Variants in KIF16B observed in about 807,000 individuals in gnomAD.
KIF16B encodes kinesin-like protein KIF16B.
Under a neutral mutation model 156.3 loss-of-function variants are expected in KIF16B, and 98 were observed. The ratio of observed to expected loss-of-function variants is 0.63; its 90% CI spans 0.53 to 0.74. KIF16B has a LOEUF of 0.74. Ranked by LOEUF, KIF16B falls within the 30% of genes least tolerant of loss-of-function variation. KIF16B has a pLI of 0.00. For synonymous variants in KIF16B, 564 were observed against 583.7 expected (o/e 0.97, Z 0.49); for missense variants, 1,421 against 1,606.5 (o/e 0.88, Z 1.97).
intron 15 of KIF16B, among the ~76,000 whole-genome samples, chr20:16,416,341 G>C (rs973544865): frequency 6.6e-6 from 1 of 152,026 alleles, no homozygotes; most frequent in Non-Finnish European, 1.5e-5. Flanking sequence ...TTTATAGTTT[G>C]GGTTTTACAT....
chr20:16,438,233 C>T (rs1264531187), intron 12 of KIF16B, among the ~76,000 whole-genome samples: 1 of 152,188 alleles, frequency 6.6e-6, no homozygotes, highest in Admixed American at 6.5e-5. Flanking sequence ...CATCCAGAAG[C>T]TACTGTTTCT....
chr20:16,469,171 G>A (rs1475384702), intron 12 of KIF16B, among the ~76,000 whole-genome samples: 3 of 149,968 alleles, frequency 2.0e-5, no homozygotes, highest in Non-Finnish European at 3.0e-5. Context: ...AGGACTGCTT[G>A]AGCCCAGGAG....
At chr20:16,402,627 C>A (rs945670527) in intron 17 of KIF16B, among the ~76,000 whole-genome samples, 1 of 152,136 alleles carries the variant, frequency 6.6e-6, no homozygotes, top group Non-Finnish European at 1.5e-5. Context: ...ATCCCAGGCT[C>A]TGGAACTAGC....
Position 16,467,271 on chromosome 20 carries a change from A to G in KIF16B, c.1302+27020T>C, listed in dbSNP as rs151043685. Among the ~76,000 whole-genome samples, 166 of 152,278 alleles carry G rather than the reference A, an allele frequency of 1.1e-3. 1 individual carries two copies. Among genetic ancestry groups the G allele is most frequent in the African/African-American group, 3.9e-3 (161 of 41,562 alleles). The stretch of plus-strand genomic sequence containing the variant: ...AAGCTCACCAAAAGACTGAGACCTA[A>G]TCATAGGACTATAGAACACTTCCTG... On this transcript the variant is annotated intron_variant, in intron 12 of 25. Coordinates refer to ENST00000354981, the MANE Select transcript of KIF16B (RefSeq NM_024704.5).
At chr20:16,304,312 C>T (rs1050205313) in intron 25 of KIF16B, among the ~76,000 whole-genome samples, 1 of 152,196 alleles carries the variant, frequency 6.6e-6, no homozygotes, top group Non-Finnish European at 1.5e-5. Flanking sequence ...TCATAAAGCA[C>T]TAACACATAT....
intron 22 of KIF16B, among the ~76,000 whole-genome samples, chr20:16,369,509 T>C (rs1305533183): frequency 6.6e-6 from 1 of 152,204 alleles, no homozygotes; most frequent in Non-Finnish European, 1.5e-5. Flanking sequence ...AGAAATACTT[T>C]GTATGGGGTT....
chr20:16,406,508 T>A (rs750212785), intron 15 of KIF16B, 52 bp from the exon 16 acceptor site: 1 of 1,410,926 alleles, frequency 7.1e-7, no homozygotes. Context: ...TCTGGTCAGT[T>A]GCCAATACCA....
chr20:16,434,803 A>G (rs750866480), intron 12 of KIF16B, among the ~76,000 whole-genome samples: 1 of 152,128 alleles, frequency 6.6e-6, no homozygotes, highest in Non-Finnish European at 1.5e-5. Context: ...AGAGAATTAT[A>G]TATTTCACTA....
chr20:16,455,585 G>C (rs1044372023), intron 12 of KIF16B, among the ~76,000 whole-genome samples: 4 of 152,050 alleles, frequency 2.6e-5, no homozygotes, highest in African/African-American at 4.8e-5. Context: ...CCAATAAATA[G>C]TTCATGGGCA....
chr20:16,423,406 A>G (rs1319663855), intron 15 of KIF16B, among the ~76,000 whole-genome samples: 1 of 152,194 alleles, frequency 6.6e-6, no homozygotes, highest in East Asian at 1.9e-4. Flanking sequence ...CAAGAGTGAC[A>G]CAATAACTAA....
intron 12 of KIF16B, among the ~76,000 whole-genome samples, chr20:16,451,505 A>T (rs1190227403): frequency 1.3e-5 from 2 of 151,188 alleles, no homozygotes; most frequent in Non-Finnish European, 2.9e-5. Context: ...TGCCATTTGC[A>T]TTAAGTTGAA....
intron 4 of KIF16B, among the ~76,000 whole-genome samples, chr20:16,514,760 G>A (rs982457358): frequency 3.3e-5 from 5 of 150,916 alleles, no homozygotes; most frequent in African/African-American, 4.9e-5. Context: ...GCGTGGTGGT[G>A]CACACCTGTA....
intron 10 of KIF16B, among the ~76,000 whole-genome samples, chr20:16,498,601 CTTTT>C: frequency 6.6e-6 from 1 of 152,124 alleles, no homozygotes; most frequent in East Asian, 1.9e-4. Flanking sequence ...CTGCTTCACT[CTTTT>C]TAACAATTCC....
chr20:16,323,984 G>C (rs1468656424), intron 24 of KIF16B, among the ~76,000 whole-genome samples: 1 of 151,828 alleles, frequency 6.6e-6, no homozygotes, highest in African/African-American at 2.4e-5. Flanking sequence ...TTTCATTCAG[G>C]CATGACCCAG....
At chr20:16,367,016 A>G (rs948193825) in intron 22 of KIF16B, 1 of 1,330,020 alleles carries the variant, frequency 7.5e-7, no homozygotes, top group Non-Finnish European at 9.6e-7. Context: ...TCAATTTTAG[A>G]GGTCTGCATT....
At chr20:16,558,602 C>G (rs1211358792) in intron 1 of KIF16B, among the ~76,000 whole-genome samples, 1 of 152,168 alleles carries the variant, frequency 6.6e-6, no homozygotes, top group African/African-American at 2.4e-5. Context: ...TTAGTGAGAG[C>G]CACGAAAATG....
At chr20:16,520,253 G>A (rs533716676) in intron 3 of KIF16B, among the ~76,000 whole-genome samples, 116 of 152,116 alleles carry the variant, frequency 7.6e-4, no homozygotes, top group African/African-American at 2.7e-3. Flanking sequence ...CACCCCCACA[G>A]AGCACAGAAA....
At chr20:16,470,897 G>C (rs543449534) in intron 12 of KIF16B, among the ~76,000 whole-genome samples, 1 of 151,952 alleles carries the variant, frequency 6.6e-6, no homozygotes, top group South Asian at 2.1e-4. Context: ...TTCTACCCCA[G>C]GGTATGTGAA....
intron 25 of KIF16B, among the ~76,000 whole-genome samples, chr20:16,309,342 T>C (rs937825768): frequency 6.6e-6 from 1 of 152,152 alleles, no homozygotes; most frequent in Non-Finnish European, 1.5e-5. Flanking sequence ...CTCTTGCCTT[T>C]ATGTGGTGCA....
Sources: gnomAD v4.1 joint callset for allele counts (sites outside exome capture counted in the v4.1 genomes callset) on GRCh38, gnomAD v4.1.1 for gene constraint, MANE v1.5 for transcripts, NCBI Gene and HGNC (gene_info 2026-07-23, HGNC 2026-07-21) for gene names.